Variants in DDX6 observed in about 807,000 individuals in gnomAD.
DDX6 encodes the protein DEAD-box helicase 6.
A neutral mutation model predicts 60.6 loss-of-function variants in DDX6; 7 were observed. That is an observed-to-expected ratio of 0.12 (90% CI 0.07 to 0.22). The LOEUF (loss-of-function observed/expected upper bound fraction) is 0.22, where lower values mean the gene tolerates loss of function less well. Among genes scored for constraint, DDX6 ranks in the 10% least tolerant of loss-of-function variants. The pLI is 1.00. For missense variants in DDX6, 270 were observed against 589.9 expected (o/e 0.46, Z 5.62); for synonymous variants, 207 against 201.0 (o/e 1.03, Z -0.25).
intron 7 of DDX6, among the ~76,000 whole-genome samples, chr11:118,762,130 C>T (rs934747318): frequency 1.3e-5 from 2 of 151,708 alleles, no homozygotes; most frequent in Non-Finnish European, 2.9e-5. Context: ...CAAGAATTAG[C>T]TGAGCGTGGG....
chr11:118,790,711 C>G (rs1236417176), intron 1 of DDX6: 1 of 153,012 alleles, frequency 6.5e-6, no homozygotes, highest in African/African-American at 2.4e-5. Context: ...TCCTCTCAGG[C>G]GCTCCCACCC....
rs754826557 is a variant in DDX6 at position 118,786,521 on chromosome 11, GAAAC to G, written c.-267-7_-267-4del. 67 of 290,318 alleles carry G rather than the reference GAAAC, an allele frequency of 2.3e-4. No individual in the cohort carries two copies. Among genetic ancestry groups the G allele is most frequent in the Non-Finnish European group, 3.1e-4 (49 of 157,186 alleles). The allele number at this position is 290,318 out of a possible 1,614,324, so 18.0% of individuals were successfully genotyped here. On this transcript the variant is annotated splice_polypyrimidine_tract_variant and splice_region_variant and intron_variant, in intron 1 of 13. Coordinates refer to ENST00000534980, the MANE Select transcript of DDX6 (RefSeq NM_004397.6). ...TATCTGAATTCACTCACGTCAATCT[GAAAC>G]AAACAAACAAAATTAAATTAGCAAA...
chr11:118,767,255 A>C (rs1022311901), intron 5 of DDX6, among the ~76,000 whole-genome samples: 12 of 152,212 alleles, frequency 7.9e-5, no homozygotes, highest in African/African-American at 2.9e-4. Flanking sequence ...GTTTATTAAC[A>C]ATATTTCTAA....
chr11:118,765,296 C>G lies in DDX6; in HGVS notation c.559G>C (p.Val187Leu), dbSNP rs895329000. The G allele has an allele frequency of 1.2e-6, 2 of 1,613,522 alleles. No individual in the cohort carries two copies. Among genetic ancestry groups the G allele is most frequent in the African/African-American group, 2.7e-5 (2 of 74,848 alleles). ...ALQVSQICIQ[V>L]SKHMGGAKVM... ...TTGGCCCCTCCCATGTGTTTGCTGA[C>G]CTGGATGCAAATTTGACTGACCTGT... The change falls in exon 6 of 14, where the codon GTC (valine) becomes CTC (leucine). Residue 187 changes from valine to leucine, a missense_variant. Physicochemically the swap from Val to Leu is conservative, Grantham distance 32. This residue lies in a region of DDX6 where 17 missense variants were observed against 81.7 expected (regional missense o/e 0.21). Transcript: ENST00000534980.
upstream of DDX6, chr11:118,791,255 A>C (rs971290703): frequency 6.6e-6 from 1 of 150,590 alleles, no homozygotes; most frequent in Non-Finnish European, 1.5e-5. Context: ...CTCCTCCTCC[A>C]CTCAAGATGG....
intron 2 of DDX6, among the ~76,000 whole-genome samples, chr11:118,784,820 C>T (rs1442177607): frequency 4.6e-5 from 7 of 151,356 alleles, no homozygotes; most frequent in Admixed American, 6.6e-5. Flanking sequence ...GGTGCAATCT[C>T]GGCTCACTGC....
intron 8 of DDX6, chr11:118,759,250 G>A (rs140110112): frequency 0.041 from 7,145 of 174,734 alleles, 169 homozygotes; most frequent in Middle Eastern, 0.067. Context: ...AGTAGAGACG[G>A]GGTTTCACCA....
chr11:118,785,142 G>A (rs1221198135), intron 2 of DDX6, among the ~76,000 whole-genome samples: 1 of 152,166 alleles, frequency 6.6e-6, no homozygotes, highest in Non-Finnish European at 1.5e-5. Context: ...TCCTATAACT[G>A]AATCTTTAAA....
At chr11:118,757,647 A>ATGG (rs782061905) in intron 9 of DDX6, among the ~76,000 whole-genome samples, 1 of 151,836 alleles carries the variant, frequency 6.6e-6, no homozygotes, top group Non-Finnish European at 1.5e-5. Context: ...CTGGAGTGCA[A>ATGG]TGGTGCAATC....
chr11:118,767,147 CG>C (rs1455818285), intron 5 of DDX6, among the ~76,000 whole-genome samples: 1 of 151,998 alleles, frequency 6.6e-6, no homozygotes, highest in Non-Finnish European at 1.5e-5. Context: ...CTCGGCCTCC[CG>C]AAGTGCTGGG....
chr11:118,774,705 T>C (rs1171020657), intron 4 of DDX6, among the ~76,000 whole-genome samples: 2 of 152,100 alleles, frequency 1.3e-5, no homozygotes, highest in East Asian at 1.9e-4. Context: ...ATTATAGGCA[T>C]GAGCCACTGC....
rs554980520 is a variant in DDX6 at position 118,779,048 on chromosome 11, T to C, written c.369+584A>G. Among the ~76,000 whole-genome samples, 26 of 149,340 alleles carry C rather than the reference T, an allele frequency of 1.7e-4. 1 individual carries two copies. Among genetic ancestry groups the C allele is most frequent in the Admixed American group, 1.6e-3 (24 of 14,796 alleles). ...GGCACATGCCTGTAGTCCCAGCTAC[T>C]AGGAGGCTGACGCAGGAGGATCACT... On this transcript the variant is annotated intron_variant, in intron 4 of 13. Coordinates refer to ENST00000534980, the MANE Select transcript of DDX6 (RefSeq NM_004397.6).
Position 118,786,270 on chromosome 11 carries a change from G to C in DDX6, c.-19C>G, listed in dbSNP as rs200799878. The C allele has an allele frequency of 3.9e-5, 61 of 1,578,948 alleles. No homozygotes were observed. The Admixed American group carries it at 1.1e-3, about 29-fold the overall frequency. ...TGCTCATGCTGTTTTAATTGCAAAG[G>C]TCTTTCAAACTTCAAAACTTTTGAA... On this transcript the variant is annotated 5_prime_UTR_variant, in exon 2 of 14. Coordinates refer to ENST00000534980, the MANE Select transcript of DDX6 (RefSeq NM_004397.6).
At position 118,750,624 on chromosome 11, in the gene DDX6, A is replaced by G. The variant is rs1345517302; in HGVS notation, c.*1481T>C. The G allele has an allele frequency of 3.9e-5, 6 of 152,298 alleles. No individual in the cohort carries two copies. Among genetic ancestry groups the G allele is most frequent in the African/African-American group, 1.4e-4 (6 of 41,552 alleles). The allele number at this position is 152,298 out of a possible 1,614,324, so 9.4% of individuals were successfully genotyped here. On this transcript the variant is annotated 3_prime_UTR_variant, in exon 14 of 14. Transcript: ENST00000534980. ...GGTACTGGCTAATATTCTGAAATGC[A>G]AATCTGTGCTTTATATATATACTGC...
At chr11:118,758,944 G>T in intron 8 of DDX6, 42 bp from the exon 9 acceptor site, 1 of 1,609,774 alleles carries the variant, frequency 6.2e-7, no homozygotes, top group Non-Finnish European at 8.5e-7. Flanking sequence ...CGTCTTAAAT[G>T]AAAGCAGAGT....
intron 8 of DDX6, 132 bp from the exon 9 acceptor site, chr11:118,759,034 A>G: frequency 8.4e-7 from 1 of 1,186,002 alleles, no homozygotes. Context: ...TCTTCAAAAC[A>G]AAATATATGA....
intron 2 of DDX6, among the ~76,000 whole-genome samples, chr11:118,783,842 G>A (rs1194942870): frequency 3.2e-4 from 25 of 77,700 alleles, no homozygotes; most frequent in Non-Finnish European, 6.2e-4. Flanking sequence ...TAGGCTGGGC[G>A]CAGTGGCTCA....
chr11:118,753,734 C>T, intron 13 of DDX6, among the ~76,000 whole-genome samples: 1 of 152,188 alleles, frequency 6.6e-6, no homozygotes, highest in East Asian at 1.9e-4. Context: ...GATTAATGTA[C>T]TTACTAGAAA....
In DDX6 at chr11:118,751,431, AG is replaced by A. The variant is rs1860765807; in HGVS notation, c.*673del. 1 of 151,976 alleles carries A rather than the reference AG, an allele frequency of 6.6e-6. No homozygotes were observed. The highest frequency in any genetic ancestry group is 1.5e-5 in the Non-Finnish European group (1 of 68,008). The allele number at this position is 151,976 out of a possible 1,614,324, so 9.4% of individuals were successfully genotyped here. A position where few individuals can be genotyped will look rare whatever the true frequency, so the allele number is the denominator to read the frequency against. On this transcript the variant is annotated 3_prime_UTR_variant, in exon 14 of 14. Coordinates refer to ENST00000534980, the MANE Select transcript of DDX6 (RefSeq NM_004397.6). The stretch of plus-strand genomic sequence containing the variant: ...GTTGCATATCAACTCCTCCCCAAAA[AG>A]AAAAAAAAAATGGTGTTTAACATTA...
Sources: gnomAD v4.1 joint callset for allele counts (sites outside exome capture counted in the v4.1 genomes callset) on GRCh38, gnomAD v4.1.1 for gene constraint, gnomAD v4.1.1 regional missense constraint, MANE v1.5 for transcripts, NCBI Gene and HGNC (gene_info 2026-07-23, HGNC 2026-07-21) for gene names.